The following SLC12A1 variants were observed in gnomAD, a reference collection of about 807,000 sequenced individuals.
SLC12A1 encodes the protein solute carrier family 12 member 1, also known as Na-K-2Cl cotransporter.
SLC12A1 carries 89 observed loss-of-function variants against 130.4 expected under a neutral mutation model. That is an observed-to-expected ratio of 0.68 (90% CI 0.58 to 0.81). The LOEUF (loss-of-function observed/expected upper bound fraction) is 0.81, where lower values mean the gene tolerates loss of function less well. Ranked by LOEUF, SLC12A1 falls within the 40% of genes least tolerant of loss-of-function variation. The probability of loss-of-function intolerance (pLI) is 0.00; values close to 1 mark genes in which losing one functional copy is unlikely to be tolerated. For synonymous variants in SLC12A1, 499 were observed against 460.0 expected, an observed-to-expected ratio of 1.08 and a Z score of -1.09; for missense variants, 1,310 against 1,336.4, an observed-to-expected ratio of 0.98 and a Z score of 0.31.
intron 14 of SLC12A1, among the ~76,000 whole-genome samples, chr15:48,250,676 T>TCACACACACATA (rs2041637224): frequency 6.9e-6 from 1 of 145,940 alleles, no homozygotes; most frequent in African/African-American, 2.6e-5. Flanking sequence ...AATGTCTGCC[T>TCACACACACATA]CACACACACA....
At chr15:48,228,060 T>C (rs762656029) in intron 5 of SLC12A1, 1 of 152,202 alleles carries the variant, frequency 6.6e-6, no homozygotes, top group Admixed American at 6.5e-5. Context: ...TAATTTTGTT[T>C]TGTCTTTAGG....
chr15:48,279,920 A>G (rs1377287243), intron 20 of SLC12A1, among the ~76,000 whole-genome samples: 1 of 152,222 alleles, frequency 6.6e-6, no homozygotes. Context: ...CAATTCAACT[A>G]GACTTCACCT....
chr15:48,220,123 AAAAAAAGGT>A (rs1468611914), intron 2 of SLC12A1, among the ~76,000 whole-genome samples: 1 of 134,468 alleles, frequency 7.4e-6, no homozygotes, highest in African/African-American at 2.8e-5. Context: ...AAAAAAAAAA[AAAAAAAGGT>A]AGATAGATAG....
chr15:48,230,637 A>T, intron 7 of SLC12A1, 134 bp downstream of exon 7: 2 of 660,306 alleles, frequency 3.0e-6, no homozygotes, highest in Non-Finnish European at 5.4e-6. Flanking sequence ...GGCAAGTGCT[A>T]GGTGGAACAC....
chr15:48,216,085 AT>A (rs1395620638), intron 2 of SLC12A1, among the ~76,000 whole-genome samples: 1 of 152,202 alleles, frequency 6.6e-6, no homozygotes, highest in Non-Finnish European at 1.5e-5. Context: ...GTATAAATAT[AT>A]TTAAAACTTT....
At chr15:48,236,692 G>A (rs1489029871) in intron 9 of SLC12A1, among the ~76,000 whole-genome samples, 1 of 152,128 alleles carries the variant, frequency 6.6e-6, no homozygotes, top group Non-Finnish European at 1.5e-5. Flanking sequence ...AAATTCTCCA[G>A]CAGAAATATG....
At position 48,251,702 on chromosome 15, in the gene SLC12A1, G is replaced by A; in HGVS notation, c.1874G>A (p.Trp625Ter). ...TGTGCAGTCATGTTTGTCATCAACTGGTGGGCAGCTGTCATCACCTATGTC... is the reference window on the plus strand; with the variant it reads ...TGTGCAGTCATGTTTGTCATCAACTAGTGGGCAGCTGTCATCACCTATGTC... ...LCCAVMFVIN[W>*]WAAVITYVIE... Residue 625 changes from tryptophan (W) to a stop codon, truncating the protein, a stop_gained, in exon 15 of 27, where the codon TGG (tryptophan) becomes TAG (stop). Coordinates refer to ENST00000380993, the MANE Select transcript of SLC12A1 (RefSeq NM_000338.3). LOFTEE classifies it high-confidence loss of function. 6.2e-7 allele frequency: 1 copy of A among 1,613,684 alleles called. No homozygotes were observed. Among genetic ancestry groups the A allele is most frequent in the Non-Finnish European group, 8.5e-7 (1 of 1,179,648 alleles).
At chr15:48,272,733 G>GA (rs1821164630) in intron 19 of SLC12A1, among the ~76,000 whole-genome samples, 2 of 152,056 alleles carry the variant, frequency 1.3e-5, no homozygotes, top group Admixed American at 6.5e-5. Flanking sequence ...AGCCAAGTAT[G>GA]GTTTAATTTT....
At chr15:48,243,777 T>C (rs2041545626) in intron 10 of SLC12A1, among the ~76,000 whole-genome samples, 1 of 152,242 alleles carries the variant, frequency 6.6e-6, no homozygotes, top group African/African-American at 2.4e-5. Context: ...GGGACCTGTC[T>C]TAAAGGTATT....
intron 2 of SLC12A1, among the ~76,000 whole-genome samples, chr15:48,210,537 G>T (rs1306266450): frequency 6.6e-6 from 1 of 152,002 alleles, no homozygotes; most frequent in African/African-American, 2.4e-5. Flanking sequence ...AGGGAGAAAA[G>T]CTCTGAAGGA....
At chr15:48,293,910 T>G (rs2042146233) in intron 24 of SLC12A1, among the ~76,000 whole-genome samples, 1 of 151,896 alleles carries the variant, frequency 6.6e-6, no homozygotes, top group African/African-American at 2.4e-5. Flanking sequence ...TCGTGGTGTA[T>G]GCCTGTAGTC....
intron 7 of SLC12A1, 93 bp downstream of exon 7, chr15:48,230,596 G>T: frequency 1.3e-6 from 1 of 796,364 alleles, no homozygotes; most frequent in Non-Finnish European, 2.2e-6. Context: ...AAAAGGAATT[G>T]CTGTTATTAC....
chr15:48,260,863 A>G (rs2041767344), intron 17 of SLC12A1, among the ~76,000 whole-genome samples: 1 of 152,224 alleles, frequency 6.6e-6, no homozygotes, highest in South Asian at 2.1e-4. Flanking sequence ...ACACTTGGCA[A>G]TATTCTAAAT....
intron 19 of SLC12A1, among the ~76,000 whole-genome samples, chr15:48,272,142 G>T (rs1597445384): frequency 6.6e-6 from 1 of 152,092 alleles, no homozygotes; most frequent in East Asian, 1.9e-4. Context: ...GATCTCCTTG[G>T]TAATAAAGTT....
intron 7 of SLC12A1, among the ~76,000 whole-genome samples, chr15:48,230,943 G>C (rs1191118772): frequency 6.6e-6 from 1 of 152,168 alleles, no homozygotes; most frequent in Non-Finnish European, 1.5e-5. Context: ...AGCAAATTTA[G>C]GCACATCATA....
intron 24 of SLC12A1, among the ~76,000 whole-genome samples, chr15:48,295,954 C>T (rs781584724): frequency 7.9e-5 from 12 of 152,178 alleles, no homozygotes; most frequent in African/African-American, 1.7e-4. Flanking sequence ...ACTAGTAGCG[C>T]GTCTGGCACA....
chr15:48,246,670 A>G (rs2041584475), intron 11 of SLC12A1, among the ~76,000 whole-genome samples: 2 of 152,078 alleles, frequency 1.3e-5, no homozygotes, highest in African/African-American at 4.8e-5. Flanking sequence ...AATCCCAGCT[A>G]CTCGGTAGGC....
At chr15:48,207,197 G>A (rs1210322919) in intron 1 of SLC12A1, among the ~76,000 whole-genome samples, 2 of 152,148 alleles carry the variant, frequency 1.3e-5, no homozygotes, top group Non-Finnish European at 2.9e-5. Context: ...GTCTTAGGCT[G>A]AGAATATTCT....
At chr15:48,254,592 TAAAAAAAAAAAAAAAAAAAAAAAAAAA>T (rs550686114) in intron 15 of SLC12A1, among the ~76,000 whole-genome samples, 1 of 52,862 alleles carries the variant, frequency 1.9e-5, no homozygotes, top group East Asian at 4.0e-4. Flanking sequence ...CTTAAATTCG[TAAAAAAAAAAAAAAAAAAAAAAAAAAA>T]AAAAAAAAAA....
Sources: allele counts gnomAD v4.1 joint callset (sites outside exome capture counted in the v4.1 genomes callset), GRCh38; gene constraint gnomAD v4.1.1; transcripts MANE v1.5; gene names NCBI Gene and HGNC (gene_info 2026-07-23, HGNC 2026-07-21).